Variants in SNRPN observed in about 807,000 individuals in gnomAD.
SNRPN encodes small nuclear ribonucleoprotein polypeptide N, also known as small nuclear ribonucleoprotein-associated protein N.
SNRPN carries 7 observed loss-of-function variants against 25.2 expected under a neutral mutation model. The ratio of observed to expected loss-of-function variants is 0.28; its 90% CI spans 0.16 to 0.52. The LOEUF (loss-of-function observed/expected upper bound fraction) is 0.52, where lower values mean the gene tolerates loss of function less well. SNRPN is among the 20% of genes least tolerant of loss of function. The pLI is 0.96. For missense variants in SNRPN, 196 were observed against 322.5 expected, an observed-to-expected ratio of 0.61 and a Z score of 3.00; for synonymous variants, 124 against 110.6, an observed-to-expected ratio of 1.12 and a Z score of -0.76.
At chr15:24,909,703 A>C in intron 2 of SNRPN, 1 of 1,231,730 alleles carries the variant, frequency 8.1e-7, no homozygotes, top group Non-Finnish European at 1.2e-6. Context: ...ATTTATTTTT[A>C]TCCTGTATCA....
rs565676905 is a variant in SNRPN at position 24,977,086 on chromosome 15, C to G, written c.420+57C>G. 1.4e-5 allele frequency: 20 copies of G among 1,413,890 alleles called. No individual in the cohort carries two copies. The African/African-American group carries it at 2.9e-4, about 21-fold the overall frequency. The allele number at this position is 1,413,890 out of a possible 1,614,324, so 87.6% of individuals were successfully genotyped here. ...GGGAGAATATGACTAAGCCGGAGGC[C>G]GAGGAGATTTAAAAACCTAAGTGTA... On this transcript the variant is annotated intron_variant, in intron 7 of 9. Transcript: ENST00000390687.
intron 1 of SNRPN, among the ~76,000 whole-genome samples, chr15:24,956,357 G>GGGA (rs528578846): frequency 6.6e-6 from 1 of 151,810 alleles, no homozygotes; most frequent in African/African-American, 2.4e-5. Flanking sequence ...GCTTCAGCGG[G>GGGA]GGGGTGGCCG....
At chr15:24,875,669 A>G (rs1472794082) in intron 1 of SNRPN, among the ~76,000 whole-genome samples, 1 of 152,218 alleles carries the variant, frequency 6.6e-6, no homozygotes, top group Non-Finnish European at 1.5e-5. Context: ...CTGTAATCCC[A>G]GCAATTTAAG....
At chr15:24,854,531 T>C (rs975344734), upstream of SNRPN, among the ~76,000 whole-genome samples, 2 of 152,208 alleles carry the variant, frequency 1.3e-5, no homozygotes, top group Non-Finnish European at 2.9e-5. Context: ...GTGTACAACT[T>C]TAACTCTGAA....
At chr15:24,955,824 AGGCATGGCGGCGGTG>A (rs1245218718) in intron 1 of SNRPN, among the ~76,000 whole-genome samples, 3 of 149,434 alleles carry the variant, frequency 2.0e-5, no homozygotes, top group Admixed American at 6.7e-5. Context: ...TGGCGGCGGT[AGGCATGGCGGCGGTG>A]GGCATGGCAT....
chr15:24,965,452 G>A (rs557357948), intron 2 of SNRPN, among the ~76,000 whole-genome samples: 1 of 152,170 alleles, frequency 6.6e-6, no homozygotes, highest in African/African-American at 2.4e-5. Context: ...TGGAAGAATC[G>A]CTTGAACCTG....
rs546082563 is a variant in SNRPN at position 24,955,566 on chromosome 15, T to C, written c.-391+504T>C. On this transcript the variant is annotated intron_variant, in intron 1 of 9. Coordinates refer to ENST00000390687, the MANE Select transcript of SNRPN (RefSeq NM_003097.6). ...TTGAGCGCAGGTAGGTGTATAATAG[T>C]GACCACTGCGTGGTGGAGCAGGGTA... 8.0e-5 allele frequency among the ~76,000 whole-genome samples: 11 copies of C among 138,158 alleles called. No individual in the cohort carries two copies. In the South Asian group the frequency reaches 1.2e-3, roughly 15 times the overall value. 90.6% of individuals were successfully genotyped at this position (138,158 alleles called of 152,430 possible). A position where few individuals can be genotyped will look rare whatever the true frequency, so the allele number is the denominator to read the frequency against.
chr15:24,974,824 G>T, intron 4 of SNRPN: 1 of 670,400 alleles, frequency 1.5e-6, no homozygotes, highest in Admixed American at 2.2e-5. Flanking sequence ...CTCCCAAAGT[G>T]CTGGGATTAC....
At chr15:24,925,240 G>A (rs543016011) in intron 3 of SNRPN, among the ~76,000 whole-genome samples, 2 of 152,196 alleles carry the variant, frequency 1.3e-5, no homozygotes, top group South Asian at 4.2e-4. Context: ...AGGGCCCCTG[G>A]AAGAAAGGAC....
rs77885947 is a variant in SNRPN at position 24,916,681 on chromosome 15, G to C, written c.-504-3330G>C. On this transcript the variant is annotated intron_variant, in intron 2 of 11. Transcript: ENST00000400097. ...ATATAATGGTAACAGTATTAAATTA[G>C]GTGTCAGCATTTGTTGAGGAAGTAG... is the stretch of plus-strand genomic sequence containing the variant. 3.9e-3 allele frequency among the ~76,000 whole-genome samples: 599 copies of C among 152,288 alleles called. 3 individuals are homozygous for C. The highest frequency in any genetic ancestry group is 0.014 in the African/African-American group (576 of 41,558).
chr15:24,915,876 T>G (rs947842902), intron 2 of SNRPN, among the ~76,000 whole-genome samples: 4 of 152,020 alleles, frequency 2.6e-5, no homozygotes, highest in Non-Finnish European at 5.9e-5. Flanking sequence ...GGAATGATAT[T>G]CAGCTAGTTC....
chr15:24,894,319 C>T (rs938506709), intron 2 of SNRPN, among the ~76,000 whole-genome samples: 29 of 152,090 alleles, frequency 1.9e-4, no homozygotes, highest in Non-Finnish European at 2.6e-4. Flanking sequence ...CCCAGGTTCA[C>T]GCCATTCTCC....
At chr15:24,886,787 G>A (rs1269475499) in intron 2 of SNRPN, among the ~76,000 whole-genome samples, 1 of 152,184 alleles carries the variant, frequency 6.6e-6, no homozygotes. Context: ...CCTAAAAAGG[G>A]ACTCAATTAA....
intron 2 of SNRPN, among the ~76,000 whole-genome samples, chr15:24,832,294 T>C (rs1324802249): frequency 6.6e-6 from 1 of 152,078 alleles, no homozygotes; most frequent in Non-Finnish European, 1.5e-5. Flanking sequence ...GGGGACTTGT[T>C]TTTAGATCTA....
At chr15:24,884,882 G>A (rs2057052297) in intron 1 of SNRPN, among the ~76,000 whole-genome samples, 3 of 152,118 alleles carry the variant, frequency 2.0e-5, no homozygotes, top group Non-Finnish European at 4.4e-5. Flanking sequence ...AATTCAAGGC[G>A]AGATGCAGAG....
In SNRPN at chr15:24,977,906, C is replaced by G. The variant is rs781177011; in HGVS notation, c.549C>G (p.Thr183=). 4 of 1,564,906 alleles carry G rather than the reference C, an allele frequency of 2.6e-6. No individual in the cohort carries two copies. Among genetic ancestry groups the G allele is most frequent in the South Asian group, 2.4e-5 (2 of 84,082 alleles). ...GTPPPPVGRA[T]PPPGIMAPPP... ...CGCCCCCACCCGTCGGCAGAGCAACCCCACCTCCAGGTAAGGGATTGGTGA... is the reference window on the plus strand; with the variant it reads ...CGCCCCCACCCGTCGGCAGAGCAACGCCACCTCCAGGTAAGGGATTGGTGA... Residue 183 remains threonine, a synonymous_variant, in exon 8 of 10, where the codon ACC becomes ACG. Coordinates refer to ENST00000390687, the MANE Select transcript of SNRPN (RefSeq NM_003097.6).
chr15:24,837,483 C>T (rs367653817), intron 2 of SNRPN, among the ~76,000 whole-genome samples: 1 of 150,942 alleles, frequency 6.6e-6, no homozygotes, highest in East Asian at 2.0e-4. Flanking sequence ...ATTCTCCTGC[C>T]TCAGCCTCCC....
rs867658250 is a variant in SNRPN at position 24,928,751 on chromosome 15, A to C, written c.-391+8627A>C. Among the ~76,000 whole-genome samples the C allele has an allele frequency of 1.4e-4, 22 of 152,176 alleles. 2 individuals are homozygous for C. In the South Asian group the frequency reaches 4.2e-3, roughly 29 times the overall value. On this transcript the variant is annotated intron_variant, in intron 3 of 11. Coordinates refer to the SNRPN transcript ENST00000400097. ...CTCAGCTTCTGGAGTAGCTACAGGC[A>C]CATGCCATCATGCCTAGCTATTTTT...
intron 2 of SNRPN, among the ~76,000 whole-genome samples, chr15:24,898,758 C>T (rs976819871): frequency 6.6e-6 from 1 of 151,992 alleles, no homozygotes; most frequent in African/African-American, 2.4e-5. Flanking sequence ...TTGGGGTGAT[C>T]GGACCCAACA....
Sources: gnomAD v4.1 joint callset for allele counts (sites outside exome capture counted in the v4.1 genomes callset) on GRCh38, gnomAD v4.1.1 for gene constraint, MANE v1.5 for transcripts, NCBI Gene and HGNC (gene_info 2026-07-23, HGNC 2026-07-21) for gene names.